SSBP2: variants seen among roughly 807,000 people sequenced by gnomAD.
SSBP2 encodes the protein single stranded DNA binding protein 2, also known as single-stranded DNA-binding protein 2.
In SSBP2, 17 loss-of-function variants were observed where a neutral mutation model predicts 61.8. The observed-to-expected ratio is 0.28, with a 90% CI of 0.19 to 0.41. SSBP2 has a LOEUF of 0.41. Ranked by LOEUF, SSBP2 falls within the 10% of genes least tolerant of loss-of-function variation. The probability of loss-of-function intolerance (pLI) is 1.00; values close to 1 mark genes in which losing one functional copy is unlikely to be tolerated. For synonymous variants in SSBP2, 139 were observed against 141.3 expected, an observed-to-expected ratio of 0.98 and a Z score of 0.12; for missense variants, 310 against 458.7, an observed-to-expected ratio of 0.68 and a Z score of 2.96.
At chr5:81,594,084 A>G (rs1409780946) in intron 4 of SSBP2, among the ~76,000 whole-genome samples, 1 of 152,214 alleles carries the variant, frequency 6.6e-6, no homozygotes, top group African/African-American at 2.4e-5. Context: ...AGTGTGCTGT[A>G]TTCAGGAAAC....
At chr5:81,554,314 G>A (rs990382281) in intron 4 of SSBP2, among the ~76,000 whole-genome samples, 5 of 151,710 alleles carry the variant, frequency 3.3e-5, no homozygotes, top group Admixed American at 6.6e-5. Flanking sequence ...GAAATTTCTT[G>A]TAAATATGCC....
intron 3 of SSBP2, among the ~76,000 whole-genome samples, chr5:81,616,809 G>A (rs1581177285): frequency 6.6e-6 from 1 of 152,116 alleles, no homozygotes; most frequent in Non-Finnish European, 1.5e-5. Context: ...GCCCCGAGCA[G>A]CCTAACTGGG....
In SSBP2 at chr5:81,414,099, A is replaced by G. The variant is rs1377574920; in HGVS notation, c.*6405T>C. 1 of 152,176 alleles carries G rather than the reference A, an allele frequency of 6.6e-6. No homozygotes were observed. Among genetic ancestry groups the G allele is most frequent in the African/African-American group, 2.4e-5 (1 of 41,452 alleles). 9.4% of individuals were successfully genotyped at this position (152,176 alleles called of 1,614,324 possible). ...ATGGCACATCTCATTTTAAAAATGA[A>G]ATGCTAAATATGTTAGAAACAGATC... On this transcript the variant is annotated 3_prime_UTR_variant, in exon 17 of 17. Transcript: ENST00000320672.
At chr5:81,650,079 G>T (rs1348244067) in intron 2 of SSBP2, among the ~76,000 whole-genome samples, 188 bp downstream of exon 2, 1 of 152,030 alleles carries the variant, frequency 6.6e-6, no homozygotes, top group East Asian at 1.9e-4. Context: ...CTAGAAGATT[G>T]AGTGGCACAG....
chr5:81,611,521 C>T (rs1273876196), intron 4 of SSBP2, among the ~76,000 whole-genome samples: 1 of 152,080 alleles, frequency 6.6e-6, no homozygotes, highest in Non-Finnish European at 1.5e-5. Context: ...ATGAATTTTA[C>T]ATCTCCAATT....
At chr5:81,443,383 T>A (rs893648548) in intron 12 of SSBP2, 1 of 152,182 alleles carries the variant, frequency 6.6e-6, no homozygotes, top group African/African-American at 2.4e-5. Context: ...ATTTAAAAAA[T>A]TTATATTTCA....
Position 81,488,041 on chromosome 5 carries a change from AT to A in SSBP2, c.432+1208del, listed in dbSNP as rs1273468891. Among the ~76,000 whole-genome samples the A allele has an allele frequency of 1.1e-4, 4 of 35,512 alleles. 1 individual carries two copies. Among genetic ancestry groups the A allele is most frequent in the Admixed American group, 2.8e-4 (1 of 3,618 alleles). The allele number at this position is 35,512 out of a possible 152,430, so 23.3% of individuals were successfully genotyped here. A position where few individuals can be genotyped will look rare whatever the true frequency, so the allele number is the denominator to read the frequency against. ...TATATATATATATATATATATATATATATATATATATATATATAAATAAAAT... is the reference window on the plus strand; with the variant it reads ...TATATATATATATATATATATATATAATATATATATATATATAAATAAAAT... On this transcript the variant is annotated intron_variant, in intron 6 of 16. Transcript: ENST00000320672.
At chr5:81,664,316 G>A (rs375010857) in intron 1 of SSBP2, among the ~76,000 whole-genome samples, 1 of 151,516 alleles carries the variant, frequency 6.6e-6, no homozygotes, top group South Asian at 2.1e-4. Context: ...TTTTAGTAGA[G>A]ATGGGGTTTC....
At chr5:81,743,644 T>C (rs1757173234) in intron 1 of SSBP2, among the ~76,000 whole-genome samples, 1 of 152,216 alleles carries the variant, frequency 6.6e-6, no homozygotes, top group Non-Finnish European at 1.5e-5. Context: ...TCCCATTATA[T>C]CTAGCATAAT....
At chr5:81,619,199 A>AC (rs1282955864) in intron 3 of SSBP2, among the ~76,000 whole-genome samples, 8 of 1,754 alleles carry the variant, frequency 4.6e-3, no homozygotes, top group African/African-American at 0.015. Flanking sequence ...AAATTGATAG[A>AC]CCGCTAGCAA....
At chr5:81,748,465 A>G (rs1277003258) in intron 1 of SSBP2, among the ~76,000 whole-genome samples, 1 of 152,212 alleles carries the variant, frequency 6.6e-6, no homozygotes, top group African/African-American at 2.4e-5. Context: ...ACATAAAGAG[A>G]AAAACCGAGA....
chr5:81,550,250 T>C (rs1772068378), intron 4 of SSBP2, among the ~76,000 whole-genome samples: 1 of 152,240 alleles, frequency 6.6e-6, no homozygotes, highest in South Asian at 2.1e-4. Flanking sequence ...TTGTCTCTGA[T>C]ATTATTTAAC....
chr5:81,587,021 T>C (rs1011218711), intron 4 of SSBP2, among the ~76,000 whole-genome samples: 2 of 151,954 alleles, frequency 1.3e-5, no homozygotes, highest in Admixed American at 1.3e-4. Context: ...TCTTCTAAGC[T>C]TGCATCTGGT....
At chr5:81,603,072 G>GT (rs1224075840) in intron 4 of SSBP2, among the ~76,000 whole-genome samples, 9 of 152,154 alleles carry the variant, frequency 5.9e-5, no homozygotes, top group Non-Finnish European at 1.2e-4. Context: ...CTATTGCTGT[G>GT]TAACAGACCA....
In SSBP2 at chr5:81,638,524, G is replaced by GA. The variant is rs78795922; in HGVS notation, c.136-1907dup. 5.5e-3 allele frequency among the ~76,000 whole-genome samples: 771 copies of GA among 140,286 alleles called. 4 individuals carry two copies. Among genetic ancestry groups the GA allele is most frequent in the African/African-American group, 0.018 (683 of 38,334 alleles). 92.0% of individuals were successfully genotyped at this position (140,286 alleles called of 152,430 possible). A position where few individuals can be genotyped will look rare whatever the true frequency, so the allele number is the denominator to read the frequency against. ...ACAGAGCAAGACTCCGTCTCAGAGG[G>GA]AAAAAAAAAAAAGGAGTAACTGACA... On this transcript the variant is annotated intron_variant, in intron 2 of 16. Transcript: ENST00000320672.
At chr5:81,643,346 A>C (rs1748959244) in intron 2 of SSBP2, among the ~76,000 whole-genome samples, 1 of 152,130 alleles carries the variant, frequency 6.6e-6, no homozygotes. Context: ...ATAATTTTTA[A>C]TTTAAACCAA....
intron 5 of SSBP2, among the ~76,000 whole-genome samples, chr5:81,496,476 G>T (rs552039322): frequency 6.6e-6 from 1 of 152,154 alleles, no homozygotes; most frequent in South Asian, 2.1e-4. Flanking sequence ...CACAGCACCC[G>T]GCCAGAACTT....
At chr5:81,648,527 C>CTA (rs1749463988) in intron 2 of SSBP2, among the ~76,000 whole-genome samples, 1 of 152,130 alleles carries the variant, frequency 6.6e-6, no homozygotes, top group African/African-American at 2.4e-5. Context: ...CTCAAGAAGG[C>CTA]TATACCTCAG....
chr5:81,446,578 G>A (rs1763413581), intron 12 of SSBP2, among the ~76,000 whole-genome samples: 1 of 152,028 alleles, frequency 6.6e-6, no homozygotes, highest in Admixed American at 6.6e-5. Flanking sequence ...GATTTGGTTA[G>A]TTTTATCAGT....
Sources: gnomAD v4.1 joint callset for allele counts (sites outside exome capture counted in the v4.1 genomes callset) on GRCh38, gnomAD v4.1.1 for gene constraint, MANE v1.5 for transcripts, NCBI Gene and HGNC (gene_info 2026-07-23, HGNC 2026-07-21) for gene names.